COL28A1: variants seen among roughly 807,000 people sequenced by gnomAD.
The protein encoded by COL28A1 is collagen type XXVIII alpha 1 chain.
COL28A1 carries 161 observed loss-of-function variants against 150.2 expected under a neutral mutation model. The observed-to-expected ratio is 1.07, with a 90% CI of 0.94 to 1.22. The LOEUF (loss-of-function observed/expected upper bound fraction) is 1.22. COL28A1 is among the 50% of genes most tolerant of loss of function. The pLI is 0.00. For synonymous variants in COL28A1, 552 were observed against 469.7 expected, an observed-to-expected ratio of 1.18 and a Z score of -2.26; for missense variants, 1,617 against 1,388.3, an observed-to-expected ratio of 1.16 and a Z score of -2.62.
chr7:7,515,092 G>A (rs940969240), intron 8 of COL28A1, among the ~76,000 whole-genome samples: 15 of 152,158 alleles, frequency 9.9e-5, no homozygotes, highest in African/African-American at 3.6e-4. Flanking sequence ...ATGCCTGAAG[G>A]TTGTAGCCCT....
the COL28A1 span, among the ~76,000 whole-genome samples, chr7:7,339,368 T>C: frequency 4.6e-5 from 7 of 152,180 alleles, no homozygotes; most frequent in African/African-American, 1.4e-4. Flanking sequence ...CTAAGGTCTC[T>C]GTATCTGTCC....
At chr7:7,441,048 A>G (rs943872194) in intron 20 of COL28A1, among the ~76,000 whole-genome samples, 187 bp from the exon 21 acceptor site, 1 of 152,216 alleles carries the variant, frequency 6.6e-6, no homozygotes, top group African/African-American at 2.4e-5. Context: ...CAGATTGTTC[A>G]GCCTTTACTA....
intron 15 of COL28A1, among the ~76,000 whole-genome samples, chr7:7,472,329 A>T (rs75099368): frequency 0.016 from 2,443 of 152,306 alleles, 60 homozygotes; most frequent in African/African-American, 0.056. Context: ...AAGTTTCCAG[A>T]TACAAAATTA....
At chr7:7,339,212 G>A in the COL28A1 span, among the ~76,000 whole-genome samples, 10 of 152,172 alleles carry the variant, frequency 6.6e-5, 1 homozygote, top group East Asian at 9.7e-4. Context: ...TACTTTCATC[G>A]AATCCAATCT....
chr7:7,409,304 T>C (rs1211522530), intron 27 of COL28A1, among the ~76,000 whole-genome samples: 2 of 152,136 alleles, frequency 1.3e-5, no homozygotes, highest in Non-Finnish European at 2.9e-5. Context: ...GAGTAACTTA[T>C]TCATGTCTTT....
chr7:7,360,417 G>T lies in COL28A1; in HGVS notation c.3178C>A (p.Leu1060Ile), dbSNP rs1286474463. 6.2e-7 allele frequency: 1 copy of T among 1,604,600 alleles called. No individual in the cohort carries two copies. Among genetic ancestry groups the T allele is most frequent in the African/African-American group, 1.3e-5 (1 of 74,254 alleles). ...TCTGCCCCATCCACAGGGGTGCTGA[G>T]CAGTGGCCTGGGGGTGGTGGTGGCC... ...SEATTTPRPL[L>I]STPVDGAEDP... The change falls in exon 34 of 35, where the codon CTC becomes ATC. Residue 1060 changes from leucine to isoleucine, a missense_variant. Coordinates refer to ENST00000399429, the MANE Select transcript of COL28A1 (RefSeq NM_001037763.3).
At chr7:7,374,202 T>C (rs1266684833) in intron 31 of COL28A1, among the ~76,000 whole-genome samples, 1 of 151,952 alleles carries the variant, frequency 6.6e-6, no homozygotes, top group East Asian at 1.9e-4. Context: ...CCCAGAGAGG[T>C]AACCACCATC....
chr7:7,385,677 GA>G (rs1161443063), intron 27 of COL28A1, among the ~76,000 whole-genome samples: 3 of 152,028 alleles, frequency 2.0e-5, no homozygotes, highest in Non-Finnish European at 4.4e-5. Flanking sequence ...GTGCCTGAGG[GA>G]AAAAACATTA....
At chr7:7,420,396 A>C (rs1253894221) in intron 25 of COL28A1, 1 of 152,570 alleles carries the variant, frequency 6.6e-6, no homozygotes, top group Non-Finnish European at 1.5e-5. Flanking sequence ...TCTAAAAAGG[A>C]TTTTCAGCTT....
chr7:7,499,976 C>T (rs1403356194), intron 11 of COL28A1, among the ~76,000 whole-genome samples: 1 of 152,010 alleles, frequency 6.6e-6, no homozygotes, highest in Non-Finnish European at 1.5e-5. Flanking sequence ...CAAATTAAAC[C>T]CCAAGTCTTC....
chr7:7,417,541 G>T (rs372352108), intron 27 of COL28A1: 2 of 77,424 alleles, frequency 2.6e-5, no homozygotes, highest in South Asian at 1.3e-4. Flanking sequence ...AGGGAGGGAG[G>T]GGGGGGGGAG....
intron 27 of COL28A1, among the ~76,000 whole-genome samples, chr7:7,391,723 T>C (rs1782551275): frequency 6.6e-6 from 1 of 152,174 alleles, no homozygotes. Context: ...TTTACCATTA[T>C]GTAATGCCCT....
rs144538533 is a variant in COL28A1 at position 7,362,461 on chromosome 7, G to A, written c.3067-1933C>T. Among the ~76,000 whole-genome samples, 321 of 152,158 alleles carry A rather than the reference G, an allele frequency of 2.1e-3. 1 individual carries two copies. The highest frequency in any genetic ancestry group is 7.3e-3 in the African/African-American group (302 of 41,498). ...TGGTATGCTGTCATCATTAACTGCCGTCTGCCAGCTAAGCTGTTCTATTGC... is the reference window on the plus strand; with the variant it reads ...TGGTATGCTGTCATCATTAACTGCCATCTGCCAGCTAAGCTGTTCTATTGC... On this transcript the variant is annotated intron_variant, in intron 33 of 34. Coordinates refer to ENST00000399429, the MANE Select transcript of COL28A1 (RefSeq NM_001037763.3).
chr7:7,480,156 T>A (rs1164123933), intron 13 of COL28A1, among the ~76,000 whole-genome samples: 3 of 152,224 alleles, frequency 2.0e-5, no homozygotes, highest in Non-Finnish European at 2.9e-5. Context: ...GGATGCAGCA[T>A]TATACTCATC....
At chr7:7,353,309 C>T (rs1296331140), downstream of COL28A1, among the ~76,000 whole-genome samples, 1 of 152,200 alleles carries the variant, frequency 6.6e-6, no homozygotes, top group Non-Finnish European at 1.5e-5. Context: ...GAGACATCTA[C>T]ATAATTGGCT....
chr7:7,445,945 G>A (rs181471636), intron 18 of COL28A1, among the ~76,000 whole-genome samples: 495 of 150,000 alleles, frequency 3.3e-3, no homozygotes, highest in African/African-American at 0.01. Context: ...CGCTACCTCC[G>A]CCTCCCGGGT....
intron 10 of COL28A1, among the ~76,000 whole-genome samples, chr7:7,506,467 T>C (rs1421445681): frequency 6.6e-6 from 1 of 152,196 alleles, no homozygotes; most frequent in Non-Finnish European, 1.5e-5. Context: ...GGCTCTGACA[T>C]TTCCAGGCTA....
At chr7:7,512,398 T>C (rs1199277637) in intron 8 of COL28A1, among the ~76,000 whole-genome samples, 1 of 152,216 alleles carries the variant, frequency 6.6e-6, no homozygotes, top group African/African-American at 2.4e-5. Context: ...AAGTGATATA[T>C]ATGTTAATTA....
chr7:7,441,417 T>G (rs1479348728), intron 20 of COL28A1, among the ~76,000 whole-genome samples: 1 of 151,690 alleles, frequency 6.6e-6, no homozygotes, highest in Non-Finnish European at 1.5e-5. Flanking sequence ...AGCAGGGTTG[T>G]GTAAAACAGT....
Sources: gnomAD v4.1 joint callset for allele counts (sites outside exome capture counted in the v4.1 genomes callset) on GRCh38, gnomAD v4.1.1 for gene constraint, MANE v1.5 for transcripts, NCBI Gene and HGNC (gene_info 2026-07-23, HGNC 2026-07-21) for gene names.